RNF19B: variants seen among roughly 807,000 people sequenced by gnomAD.
The protein encoded by RNF19B is E3 ubiquitin-protein ligase RNF19B.
In RNF19B, 23 loss-of-function variants were observed where a neutral mutation model predicts 65.5. That is an observed-to-expected ratio of 0.35 (90% CI 0.25 to 0.50). RNF19B has a LOEUF of 0.50. Ranked by LOEUF, RNF19B falls within the 20% of genes least tolerant of loss-of-function variation. RNF19B has a pLI of 0.98. For missense variants in RNF19B, 794 were observed against 980.0 expected, an observed-to-expected ratio of 0.81 and a Z score of 2.53; for synonymous variants, 372 against 379.6, an observed-to-expected ratio of 0.98 and a Z score of 0.23.
In RNF19B at chr1:32,964,146, G is replaced by C; in HGVS notation, c.540C>G (p.Ala180=). 6.5e-7 allele frequency: 1 copy of C among 1,544,286 alleles called. No homozygotes were observed. The highest frequency in any genetic ancestry group is 8.7e-7 in the Non-Finnish European group (1 of 1,144,462). The stretch of plus-strand genomic sequence containing the variant: ...CGTACTTGTGCATAAGCGGCGGGTC[G>C]GCGAGCAGCAAGCGGATGTCGTGCG... ...LNPHDIRLLL[A]DPPLMHKYEE... is the part of the protein sequence containing the mutation. Residue 180 remains alanine, a synonymous_variant, in exon 1 of 9, where the codon GCC becomes GCG. Transcript: ENST00000235150. This position sits in a 1 kb window ranked among gnomAD's most constrained non-coding sequence, Gnocchi z 6.5.
rs1289441766 is a variant in RNF19B, at chr1:32,962,874, G to C, written c.635+1177C>G. ...GTGCAACCCCTTCATGGGATATACT[G>C]ACAGTAACAATTAGACTTCTAAAGG... On this transcript the variant is annotated intron_variant, in intron 1 of 8. Transcript: ENST00000235150. Among the ~76,000 whole-genome samples the C allele has an allele frequency of 2.6e-5, 4 of 152,152 alleles. No individual in the cohort carries two copies. The East Asian group carries it at 7.7e-4, about 29-fold the overall frequency.
intron 1 of RNF19B, among the ~76,000 whole-genome samples, chr1:32,955,768 A>G (rs1642624446): frequency 1.3e-5 from 2 of 151,870 alleles, no homozygotes; most frequent in African/African-American, 4.8e-5. Flanking sequence ...AAAAAAAGAA[A>G]AGAAAATACC....
intron 3 of RNF19B, among the ~76,000 whole-genome samples, chr1:32,947,988 G>T (rs1642407420): frequency 6.6e-6 from 1 of 152,052 alleles, no homozygotes; most frequent in Admixed American, 6.6e-5. Context: ...AAGTATGGAG[G>T]CAAGACAGCA....
At position 32,942,469 on chromosome 1, in the gene RNF19B, G is replaced by C; in HGVS notation, c.1403-10C>G. On this transcript the variant is annotated splice_polypyrimidine_tract_variant and intron_variant, in intron 6 of 8. Transcript: ENST00000235150. ...CTCCAGGCATCTGCCACTGGGGATAGAACCAAACATCCAATTCAAGACAGC... is the reference window on the plus strand; with the variant it reads ...CTCCAGGCATCTGCCACTGGGGATACAACCAAACATCCAATTCAAGACAGC... The C allele has an allele frequency of 6.2e-7, 1 of 1,609,904 alleles. No homozygotes were observed. Among genetic ancestry groups the C allele is most frequent in the Non-Finnish European group, 8.5e-7 (1 of 1,176,518 alleles).
intron 3 of RNF19B, among the ~76,000 whole-genome samples, chr1:32,947,161 A>T (rs1278298758): frequency 6.6e-6 from 1 of 152,196 alleles, no homozygotes; most frequent in African/African-American, 2.4e-5. Context: ...CAATTTTGAA[A>T]ATAGGGATCA....
intron 7 of RNF19B, among the ~76,000 whole-genome samples, chr1:32,941,879 C>T (rs1241500727): frequency 6.6e-6 from 1 of 151,950 alleles, no homozygotes; most frequent in African/African-American, 2.4e-5. Context: ...GGGCGGATCA[C>T]GAGGTCAGGA....
At chr1:32,961,581 C>T (rs969077452) in intron 1 of RNF19B, among the ~76,000 whole-genome samples, 2 of 152,106 alleles carry the variant, frequency 1.3e-5, no homozygotes, top group Admixed American at 1.3e-4. Flanking sequence ...TATTGAGAGG[C>T]CAGCTTTCTT....
Position 32,936,502 on chromosome 1 carries a change from C to A in RNF19B, c.*304G>T. 4.3e-6 allele frequency: 1 copy of A among 232,112 alleles called. No individual in the cohort carries two copies. Among genetic ancestry groups the A allele is most frequent in the East Asian group, 8.7e-5 (1 of 11,434 alleles). 14.4% of individuals were successfully genotyped at this position (232,112 alleles called of 1,614,324 possible). A position where few individuals can be genotyped will look rare whatever the true frequency, so the allele number is the denominator to read the frequency against. On this transcript the variant is annotated 3_prime_UTR_variant, in exon 9 of 9. Transcript: ENST00000235150. ...ATGTGTCTTTCAGTAATATGTTTAG[C>A]ATTCAATATACACACATACATATGT...
At chr1:32,930,809 C>T in the RNF19B span, among the ~76,000 whole-genome samples, 27 of 152,324 alleles carry the variant, frequency 1.8e-4, no homozygotes, top group African/African-American at 6.3e-4. Context: ...CATTCTTGGC[C>T]GGTCGCAGTG....
chr1:32,964,015 A>G lies in RNF19B; in HGVS notation c.635+36T>C, dbSNP rs916976508. ...GCCCCCAGCCACGCCCCTCGGCTGCAGCCCGCCGCCACCCGCGCCACGCCC... is the reference window on the plus strand; with the variant it reads ...GCCCCCAGCCACGCCCCTCGGCTGCGGCCCGCCGCCACCCGCGCCACGCCC... On this transcript the variant is annotated intron_variant, in intron 1 of 8. Coordinates refer to ENST00000235150, the MANE Select transcript of RNF19B (RefSeq NM_001300826.2). The surrounding 1 kb of genome is among the most constrained non-coding windows in gnomAD (Gnocchi z 6.5). 2.8e-5 allele frequency: 39 copies of G among 1,407,492 alleles called. No homozygotes were observed. The highest frequency in any genetic ancestry group is 3.4e-5 in the Non-Finnish European group (37 of 1,086,530). 87.2% of individuals were successfully genotyped at this position (1,407,492 alleles called of 1,614,324 possible).
intron 7 of RNF19B, among the ~76,000 whole-genome samples, chr1:32,941,186 G>T (rs1268771096): frequency 6.6e-6 from 1 of 151,968 alleles, no homozygotes; most frequent in Non-Finnish European, 1.5e-5. Flanking sequence ...TTGTGCCACT[G>T]CATTCCAGCC....
intron 1 of RNF19B, among the ~76,000 whole-genome samples, chr1:32,954,747 A>C (rs988908093): frequency 6.6e-6 from 1 of 151,806 alleles, no homozygotes; most frequent in Non-Finnish European, 1.5e-5. Context: ...TCAAAAAAAA[A>C]AAAAAACAAT....
intron 1 of RNF19B, among the ~76,000 whole-genome samples, chr1:32,961,077 G>A (rs1642759910): frequency 6.6e-6 from 1 of 152,108 alleles, no homozygotes; most frequent in Non-Finnish European, 1.5e-5. Flanking sequence ...CATCTATTTG[G>A]CAACTAACAG....
At chr1:32,940,402 C>T (rs936605844) in intron 7 of RNF19B, among the ~76,000 whole-genome samples, 1 of 152,150 alleles carries the variant, frequency 6.6e-6, no homozygotes, top group Non-Finnish European at 1.5e-5. Flanking sequence ...AGATCCAGTC[C>T]ACCTGCCATC....
intron 1 of RNF19B, among the ~76,000 whole-genome samples, chr1:32,952,827 T>C (rs1046311407): frequency 6.6e-6 from 1 of 151,100 alleles, no homozygotes; most frequent in Non-Finnish European, 1.5e-5. Flanking sequence ...GTGGGAGGAC[T>C]GCTTGAGGCT....
chr1:32,964,608 G>T lies in RNF19B; in HGVS notation c.78C>A (p.Ser26Arg). 1 of 1,459,578 alleles carries T rather than the reference G, an allele frequency of 6.9e-7. No individual in the cohort carries two copies. The highest frequency in any genetic ancestry group is 9.0e-7 in the Non-Finnish European group (1 of 1,109,092). 90.4% of individuals were successfully genotyped at this position (1,459,578 alleles called of 1,614,324 possible). A position where few individuals can be genotyped will look rare whatever the true frequency, so the allele number is the denominator to read the frequency against. The change falls in exon 1 of 9, where the codon AGC becomes AGA. Residue 26 changes from serine (S) to arginine (R), a missense_variant. Around this residue, in one of 3 missense-constraint regions of RNF19B, gnomAD observed 374 missense variants for 423.8 expected, o/e 0.88. Coordinates refer to ENST00000235150, the MANE Select transcript of RNF19B (RefSeq NM_001300826.2). The surrounding 1 kb of genome is among the most constrained non-coding windows in gnomAD (Gnocchi z 6.5). ...HAAAPDPKCR[S>R]GGRRRRLTLH... The stretch of plus-strand genomic sequence containing the variant: ...AGGTGAGGCGCCGGCGCCGGCCGCC[G>T]CTGCGGCACTTAGGGTCGGGTGCGG...
chr1:32,947,500 A>G (rs1012978836), intron 3 of RNF19B, among the ~76,000 whole-genome samples: 5 of 152,072 alleles, frequency 3.3e-5, no homozygotes, highest in African/African-American at 1.2e-4. Context: ...CTCCACTAAA[A>G]ATACAAAAAT....
chr1:32,948,820 C>T (rs1342690492), intron 2 of RNF19B, among the ~76,000 whole-genome samples: 1 of 152,164 alleles, frequency 6.6e-6, no homozygotes, highest in African/African-American at 2.4e-5. Flanking sequence ...TTGCTGTTAA[C>T]ATAGCCCACA....
chr1:32,936,671 C>T lies in RNF19B; in HGVS notation c.*135G>A. On this transcript the variant is annotated 3_prime_UTR_variant, in exon 9 of 9. Transcript: ENST00000235150. Reference sequence around the variant, plus strand: ...GAAATTGTGAATTTCTCAGAATTTCCCTGGGCAAAAACCTGTGACCAGAGA... The same window carrying T: ...GAAATTGTGAATTTCTCAGAATTTCTCTGGGCAAAAACCTGTGACCAGAGA... 1 of 920,428 alleles carries T rather than the reference C, an allele frequency of 1.1e-6. No homozygotes were observed. Among genetic ancestry groups the T allele is most frequent in the Non-Finnish European group, 1.5e-6 (1 of 663,278 alleles). The allele number at this position is 920,428 out of a possible 1,614,324, so 57.0% of individuals were successfully genotyped here. A position where few individuals can be genotyped will look rare whatever the true frequency, so the allele number is the denominator to read the frequency against.
Sources: allele counts gnomAD v4.1 joint callset (sites outside exome capture counted in the v4.1 genomes callset), GRCh38; gene constraint gnomAD v4.1.1; regional missense constraint gnomAD v4.1.1; non-coding constraint Gnocchi (gnomAD v3.1); transcripts MANE v1.5; gene names NCBI Gene and HGNC (gene_info 2026-07-23, HGNC 2026-07-21).